IPPK: variants seen among roughly 807,000 people sequenced by gnomAD.
IPPK encodes the protein IPK1 homolog.
A neutral mutation model predicts 64.6 loss-of-function variants in IPPK; 22 were observed. The ratio of observed to expected loss-of-function variants is 0.34; its 90% confidence interval spans 0.24 to 0.49. The LOEUF is 0.49. IPPK is among the 20% of genes least tolerant of loss of function. The pLI is 0.99. For synonymous variants in IPPK, 262 were observed against 247.2 expected, an observed-to-expected ratio of 1.06 and a Z score of -0.56; for missense variants, 532 against 630.7, an observed-to-expected ratio of 0.84 and a Z score of 1.68.
At chr9:92,629,145 C>T (rs1851787423) in intron 11 of IPPK, among the ~76,000 whole-genome samples, 1 of 151,842 alleles carries the variant, frequency 6.6e-6, no homozygotes, top group Non-Finnish European at 1.5e-5. Flanking sequence ...ACAAAATTAA[C>T]TCAGAATGGA....
chr9:92,666,600 C>CA (rs1564044981), intron 1 of IPPK, among the ~76,000 whole-genome samples: 1 of 152,196 alleles, frequency 6.6e-6, no homozygotes, highest in African/African-American at 2.4e-5. Context: ...TCAAGCATGC[C>CA]ACAGGGTCCA....
At chr9:92,642,975 G>A (rs1187158797) in intron 6 of IPPK, among the ~76,000 whole-genome samples, 165 bp from the exon 7 acceptor site, 3 of 152,230 alleles carry the variant, frequency 2.0e-5, no homozygotes, top group Admixed American at 6.5e-5. Context: ...ACTAAGTGGC[G>A]GAGGGAGCCA....
Position 92,635,323 on chromosome 9 carries a change from A to G in IPPK, c.917-15T>C. 6.2e-7 allele frequency: 1 copy of G among 1,604,270 alleles called. No individual in the cohort carries two copies. Among genetic ancestry groups the G allele is most frequent in the Non-Finnish European group, 8.5e-7 (1 of 1,175,722 alleles). ...GGTGTTTTTTCCTACCGAGAACATC[A>G]GGGGAAAACGAGAGCATGTTGATTA... On this transcript the variant is annotated splice_polypyrimidine_tract_variant and intron_variant, in intron 9 of 12. Transcript: ENST00000287996. The surrounding 1 kb of genome is among the most constrained non-coding windows in gnomAD (Gnocchi z 4.4).
chr9:92,662,048 A>C (rs2131463321), intron 1 of IPPK, among the ~76,000 whole-genome samples: 1 of 152,298 alleles, frequency 6.6e-6, no homozygotes, highest in South Asian at 2.1e-4. Flanking sequence ...CAACACAGCC[A>C]CCTGGGGGAC....
intron 3 of IPPK, among the ~76,000 whole-genome samples, chr9:92,656,188 C>T (rs1467760327): frequency 6.6e-6 from 1 of 152,156 alleles, no homozygotes; most frequent in Non-Finnish European, 1.5e-5. Flanking sequence ...CAAGAGCCCT[C>T]ACCCAGCAGG....
chr9:92,648,299 G>A (rs1852189892), intron 5 of IPPK, 151 bp from the exon 6 acceptor site: 1 of 636,880 alleles, frequency 1.6e-6, no homozygotes, highest in Admixed American at 2.7e-5. Flanking sequence ...CTCCCAGCGG[G>A]AACAACACTT....
At chr9:92,631,335 A>C (rs1480158527) in intron 11 of IPPK, among the ~76,000 whole-genome samples, 5 of 151,790 alleles carry the variant, frequency 3.3e-5, no homozygotes, top group Admixed American at 3.3e-4. Flanking sequence ...AGCTGGAACT[A>C]CAGGCATGCA....
At chr9:92,662,900 A>T (rs576086894) in intron 1 of IPPK, among the ~76,000 whole-genome samples, 1 of 152,328 alleles carries the variant, frequency 6.6e-6, no homozygotes, top group Admixed American at 6.5e-5. Context: ...GTGGAAAGCG[A>T]TCTGCAACGT....
intron 3 of IPPK, 123 bp downstream of exon 3, chr9:92,656,333 A>C: frequency 1.5e-6 from 1 of 680,448 alleles, no homozygotes; most frequent in East Asian, 2.7e-5. Flanking sequence ...GCAAATGAGA[A>C]ACACTTGGAG....
intron 2 of IPPK, among the ~76,000 whole-genome samples, chr9:92,656,966 A>C (rs752817038): frequency 1.1e-4 from 17 of 152,212 alleles, no homozygotes; most frequent in Non-Finnish European, 2.2e-4. Flanking sequence ...GAGGTTCTTA[A>C]AGAGTCAGTA....
rs759917327 is a variant in IPPK, at chr9:92,648,048, T to C, written c.504+11A>G. On this transcript the variant is annotated intron_variant, in intron 6 of 12. Transcript: ENST00000287996. ...AGCTAGAGTAGCCCACAGCTGGGCA[T>C]TGGCTCTCACCTTGAGGTGCTGGTG... 79 of 1,606,506 alleles carry C rather than the reference T, an allele frequency of 4.9e-5. No individual in the cohort carries two copies. The highest frequency in any genetic ancestry group is 1.3e-4 in the Admixed American group (8 of 59,648).
At chr9:92,667,412 C>T (rs1313214254) in intron 1 of IPPK, among the ~76,000 whole-genome samples, 2 of 152,198 alleles carry the variant, frequency 1.3e-5, no homozygotes, top group African/African-American at 2.4e-5. Context: ...CTCTCCTCCT[C>T]GGTCCACAGC....
chr9:92,648,146 T>C lies in IPPK; in HGVS notation c.417A>G (p.Pro139=). The C allele has an allele frequency of 1.2e-6, 2 of 1,611,896 alleles. No individual in the cohort carries two copies. Among genetic ancestry groups the C allele is most frequent in the Non-Finnish European group, 1.7e-6 (2 of 1,178,664 alleles). ...TCGAGAAAGGAATAAACCCACATTTTGGCTGTAAAATAAACAAATAAGGAG... is the reference window on the plus strand; with the variant it reads ...TCGAGAAAGGAATAAACCCACATTTCGGCTGTAAAATAAACAAATAAGGAG... ...HRPILCVEIK[P]KCGFIPFSSD... is the part of the protein sequence containing the mutation. The change falls in exon 6 of 13, where the codon CCA becomes CCG. Residue 139 remains proline, a splice_region_variant and synonymous_variant. Transcript: ENST00000287996.
chr9:92,656,385 G>C, intron 3 of IPPK, 71 bp downstream of exon 3: 1 of 968,290 alleles, frequency 1.0e-6, no homozygotes, highest in Non-Finnish European at 1.7e-6. Context: ...AAGTTCCAAA[G>C]ATCACCGGGA....
At chr9:92,645,559 C>T (rs796883700) in intron 6 of IPPK, among the ~76,000 whole-genome samples, 6 of 152,192 alleles carry the variant, frequency 3.9e-5, no homozygotes, top group African/African-American at 1.4e-4. Flanking sequence ...CATAATCAAA[C>T]TGTCACAGGA....
At chr9:92,619,933 G>A in intron 11 of IPPK, 2 of 290,546 alleles carry the variant, frequency 6.9e-6, no homozygotes, top group South Asian at 8.7e-5. Flanking sequence ...CACACTCAGA[G>A]TATCAAGTGA....
intron 1 of IPPK, among the ~76,000 whole-genome samples, chr9:92,664,895 G>C (rs961390688): frequency 2.6e-5 from 4 of 152,194 alleles, no homozygotes; most frequent in Non-Finnish European, 5.9e-5. Context: ...GCTCAGTCAG[G>C]CAGAAGAAAA....
intron 6 of IPPK, among the ~76,000 whole-genome samples, chr9:92,643,773 T>C (rs1852097758): frequency 6.6e-6 from 1 of 152,260 alleles, no homozygotes; most frequent in Non-Finnish European, 1.5e-5. Context: ...CGTACAGGCA[T>C]GTAAACATTA....
At chr9:92,658,825 G>A in intron 1 of IPPK, 144 bp from the exon 2 acceptor site, 1 of 721,930 alleles carries the variant, frequency 1.4e-6, no homozygotes, top group Non-Finnish European at 2.3e-6. Context: ...CCAGGGCAGG[G>A]AGGCCAGGGC....
Sources: allele counts gnomAD v4.1 joint callset (sites outside exome capture counted in the v4.1 genomes callset), GRCh38; gene constraint gnomAD v4.1.1; non-coding constraint Gnocchi (gnomAD v3.1); transcripts MANE v1.5; gene names NCBI Gene and HGNC (gene_info 2026-07-23, HGNC 2026-07-21).